Variants in UNC80 observed in about 807,000 individuals in gnomAD.
UNC80 encodes protein unc-80 homolog.
In UNC80, 164 loss-of-function variants were observed where a neutral mutation model predicts 384.6. The observed-to-expected ratio is 0.43, with a 90% CI of 0.38 to 0.49. The LOEUF (loss-of-function observed/expected upper bound fraction) is 0.49, where lower values mean the gene tolerates loss of function less well. UNC80 is among the 20% of genes least tolerant of loss of function. UNC80 has a pLI of 0.00. For missense variants in UNC80, 3,330 were observed against 4,143.0 expected, an observed-to-expected ratio of 0.80 and a Z score of 5.39; for synonymous variants, 1,486 against 1,527.8, an observed-to-expected ratio of 0.97 and a Z score of 0.64.
chr2:209,850,478 A>G (rs1260703015), intron 22 of UNC80, among the ~76,000 whole-genome samples: 1 of 152,146 alleles, frequency 6.6e-6, no homozygotes, highest in Non-Finnish European at 1.5e-5. Context: ...ATAAGTGACC[A>G]GTGGTCACTC....
At chr2:209,871,413 G>A (rs1210847942) in intron 22 of UNC80, among the ~76,000 whole-genome samples, 1 of 152,150 alleles carries the variant, frequency 6.6e-6, no homozygotes, top group African/African-American at 2.4e-5. Flanking sequence ...AGATCACAGG[G>A]ATGTTATATA....
At chr2:209,875,297 C>T (rs1023286851) in intron 23 of UNC80, among the ~76,000 whole-genome samples, 7 of 152,174 alleles carry the variant, frequency 4.6e-5, no homozygotes, top group Non-Finnish European at 1.5e-5. Context: ...CAGGATAAAA[C>T]CCAAACTGCT....
At chr2:209,828,536 T>C (rs2080718590) in intron 14 of UNC80, among the ~76,000 whole-genome samples, 3 of 148,596 alleles carry the variant, frequency 2.0e-5, no homozygotes, top group Admixed American at 6.6e-5. Flanking sequence ...TTTCCAAGAA[T>C]TTTTTCCTGG....
chr2:209,808,767 T>TTCTGAGCTACTCAGCGACCTCGTTGCC, intron 7 of UNC80: 2 of 59,194 alleles, frequency 3.4e-5, no homozygotes, highest in Non-Finnish European at 2.9e-5. Context: ...CCTGCGCTAC[T>TTCTGAGCTACTCAGCGACCTCGTTGCC]TCTGCGCTAC....
rs1413790379 is a variant in UNC80, at chr2:209,815,299, T to C, written c.1243T>C (p.Ser415Pro). The C allele has an allele frequency of 5.8e-6, 9 of 1,551,676 alleles. No individual in the cohort carries two copies. The highest frequency in any genetic ancestry group is 7.8e-6 in the Non-Finnish European group (9 of 1,146,970). The part of the protein sequence containing the change: ...KCNEEEKSLS[S>P]EAFSKVSLTN... ...TAACGAGGAGGAAAAATCTCTTAGC[T>C]CTGAGGCCTTTTCCAAGGTTTCACT... Residue 415 changes from serine to proline, a missense_variant, in exon 9 of 65, where the codon TCT (serine) becomes CCT (proline). Around this residue, in one of 8 missense-constraint regions of UNC80, gnomAD observed 937 missense variants for 1,026.8 expected, o/e 0.91. Transcript: ENST00000673920.
chr2:209,875,291 A>T (rs1214200597), intron 23 of UNC80, among the ~76,000 whole-genome samples: 1 of 152,164 alleles, frequency 6.6e-6, no homozygotes, highest in Admixed American at 6.6e-5. Context: ...TTCCCTCAGG[A>T]TAAAACCCAA....
chr2:209,859,092 T>G (rs1009843951), intron 22 of UNC80, among the ~76,000 whole-genome samples: 11 of 152,214 alleles, frequency 7.2e-5, no homozygotes, highest in African/African-American at 2.7e-4. Flanking sequence ...AAAAGAAGGA[T>G]ACATGTGCAG....
intron 7 of UNC80, chr2:209,809,428 C>G: frequency 6.9e-7 from 1 of 1,458,736 alleles, no homozygotes; most frequent in Non-Finnish European, 9.6e-7. Context: ...CCACTGCAGC[C>G]GTGCCTTCGC....
At chr2:209,878,111 C>A in intron 24 of UNC80, 22 bp downstream of exon 24, 1 of 1,509,254 alleles carries the variant, frequency 6.6e-7, no homozygotes, top group Non-Finnish European at 8.9e-7. Flanking sequence ...CCCTTTACTA[C>A]AAGAACCCCT....
At position 209,954,144 on chromosome 2, in the gene UNC80, T is replaced by C; in HGVS notation, c.7331T>C (p.Leu2444Pro). The C allele has an allele frequency of 6.4e-7, 1 of 1,551,000 alleles. No individual in the cohort carries two copies. Among genetic ancestry groups the C allele is most frequent in the Non-Finnish European group, 8.7e-7 (1 of 1,146,900 alleles). ...MVLEALVPCY[L>P]QKLKRQTSQV... ...TTAGAAGCCTTAGTTCCATGTTACC[T>C]ACAAAAGCTAAAGAGGCAGACATCA... is the stretch of plus-strand genomic sequence containing the variant. Residue 2444 changes from leucine to proline, a missense_variant, in exon 48 of 65, where the codon CTA (leucine) becomes CCA (proline). This residue lies in a region of UNC80 where 1,049 missense variants were observed against 1,488.6 expected (regional missense o/e 0.70). Coordinates refer to ENST00000673920, the MANE Select transcript of UNC80 (RefSeq NM_001371986.1).
At chr2:209,864,462 G>A (rs970167390) in intron 22 of UNC80, among the ~76,000 whole-genome samples, 2 of 152,202 alleles carry the variant, frequency 1.3e-5, no homozygotes, top group Non-Finnish European at 2.9e-5. Context: ...TCAGAGGAAA[G>A]GCTAAGTCTG....
In UNC80 at chr2:209,973,315, T is replaced by C. The variant is rs1361851979; in HGVS notation, c.8587+45T>C. 9.5e-6 allele frequency: 14 copies of C among 1,477,128 alleles called. No individual in the cohort carries two copies. In the South Asian group the frequency reaches 1.7e-4, roughly 17 times the overall value. The allele number at this position is 1,477,128 out of a possible 1,614,324, so 91.5% of individuals were successfully genotyped here. The stretch of plus-strand genomic sequence containing the variant: ...CTCTCTCTGTTTGTGCATGTGTATG[T>C]ATATGTATGTGAAAATATATGTGTA... On this transcript the variant is annotated intron_variant, in intron 56 of 64. Transcript: ENST00000673920.
intron 11 of UNC80, 48 bp downstream of exon 11, chr2:209,818,000 T>TG: frequency 6.5e-7 from 1 of 1,546,280 alleles, no homozygotes; most frequent in Non-Finnish European, 8.7e-7. Flanking sequence ...GTTCTTTTTT[T>TG]GTTTTCTGTC....
At chr2:209,950,577 A>T (rs1302958226) in intron 47 of UNC80, among the ~76,000 whole-genome samples, 14 of 133,244 alleles carry the variant, frequency 1.1e-4, no homozygotes, top group Non-Finnish European at 1.8e-4. Flanking sequence ...TTTTTTTTTT[A>T]ACGGAGTTTT....
At chr2:209,827,270 G>C (rs2080602770) in intron 14 of UNC80, among the ~76,000 whole-genome samples, 1 of 151,882 alleles carries the variant, frequency 6.6e-6, no homozygotes, top group East Asian at 1.9e-4. Context: ...TGCCTTCAAA[G>C]ACAAATAAAC....
chr2:209,930,731 G>A (rs973862132), intron 37 of UNC80, among the ~76,000 whole-genome samples: 5 of 152,236 alleles, frequency 3.3e-5, no homozygotes, highest in East Asian at 1.9e-4. Flanking sequence ...GAACAAAGTC[G>A]TTTACTGCTC....
chr2:209,785,961 CTCTGAA>C, intron 4 of UNC80, 99 bp from the exon 5 acceptor site: 1 of 1,297,416 alleles, frequency 7.7e-7, no homozygotes, highest in Non-Finnish European at 1.0e-6. Context: ...GATAAATTCA[CTCTGAA>C]AATAACCTTG....
chr2:209,883,688 C>T (rs1018544809), intron 25 of UNC80, among the ~76,000 whole-genome samples: 2 of 152,114 alleles, frequency 1.3e-5, no homozygotes, highest in Non-Finnish European at 2.9e-5. Context: ...CTGCCTTGGC[C>T]TCCCAAAGTG....
At chr2:209,912,041 C>G (rs1050237515) in intron 29 of UNC80, among the ~76,000 whole-genome samples, 1 of 152,102 alleles carries the variant, frequency 6.6e-6, no homozygotes, top group African/African-American at 2.4e-5. Context: ...CTTGATGGGT[C>G]CTGTATTTGA....
Sources: allele counts gnomAD v4.1 joint callset (sites outside exome capture counted in the v4.1 genomes callset), GRCh38; gene constraint gnomAD v4.1.1; regional missense constraint gnomAD v4.1.1; transcripts MANE v1.5; gene names NCBI Gene and HGNC (gene_info 2026-07-23, HGNC 2026-07-21).